Variants in MACROH2A2 observed in about 807,000 individuals in gnomAD.
The protein encoded by MACROH2A2 is core histone macro-H2A.2.
In MACROH2A2, 6 loss-of-function variants were observed where a neutral mutation model predicts 37.6. That is an observed-to-expected ratio of 0.16 (90% confidence interval 0.09 to 0.32). MACROH2A2 has a LOEUF of 0.32. MACROH2A2 is among the 10% of genes least tolerant of loss of function. MACROH2A2 has a pLI of 1.00. For synonymous variants in MACROH2A2, 192 were observed against 202.7 expected (o/e 0.95, Z 0.45); for missense variants, 290 against 485.9 (o/e 0.60, Z 3.79).
chr10:70,104,909 A>C (rs2072327551), intron 7 of MACROH2A2, among the ~76,000 whole-genome samples: 1 of 152,210 alleles, frequency 6.6e-6, no homozygotes. Context: ...ATTTAAACAA[A>C]AAAAAAGTGC....
rs2136644088 is a variant in MACROH2A2, at chr10:70,107,235, G to T, written c.779-1798G>T. On this transcript the variant is annotated intron_variant, in intron 7 of 8. Coordinates refer to ENST00000373255, the MANE Select transcript of MACROH2A2 (RefSeq NM_018649.3). The surrounding 1 kb of genome is among the most constrained non-coding windows in gnomAD (Gnocchi z 4.4). The stretch of plus-strand genomic sequence containing the variant: ...ACAGCCTCCCCTGATGGACGAAGGG[G>T]TCCCTTGGATTTGGCTTCTACCCAT... Among the ~76,000 whole-genome samples the T allele has an allele frequency of 6.6e-6, 1 of 152,268 alleles. No individual in the cohort carries two copies. Among genetic ancestry groups the T allele is most frequent in the Non-Finnish European group, 1.5e-5 (1 of 68,026 alleles).
rs2071988889 is a variant in MACROH2A2 at position 70,053,475 on chromosome 10, C to G, written c.-60+475C>G. Reference sequence around the variant, plus strand: ...GAGCCCGGGGAGGGCCGCTCGGGGGCCTCTGAAGGTGCCCGGGCAGGGCGC... The same window carrying G: ...GAGCCCGGGGAGGGCCGCTCGGGGGGCTCTGAAGGTGCCCGGGCAGGGCGC... On this transcript the variant is annotated intron_variant, in intron 1 of 8. Transcript: ENST00000373255. This position sits in a 1 kb window ranked among gnomAD's most constrained non-coding sequence, Gnocchi z 4.8. Among the ~76,000 whole-genome samples, 1 of 151,690 alleles carries G rather than the reference C, an allele frequency of 6.6e-6. No homozygotes were observed. The highest frequency in any genetic ancestry group is 1.5e-5 in the Non-Finnish European group (1 of 67,874).
At chr10:70,059,634 G>T (rs529543009) in intron 1 of MACROH2A2, among the ~76,000 whole-genome samples, 1 of 152,228 alleles carries the variant, frequency 6.6e-6, no homozygotes, top group South Asian at 2.1e-4. Context: ...GCCTCCCAAA[G>T]TGTTGGGATT....
Position 70,091,923 on chromosome 10 carries a change from C to G in MACROH2A2, c.446C>G (p.Ser149Cys). Residue 149 changes from serine (S) to cysteine (C), a missense_variant, in exon 4 of 9, where the codon TCC becomes TGC. Coordinates refer to ENST00000373255, the MANE Select transcript of MACROH2A2 (RefSeq NM_018649.3). The stretch of plus-strand genomic sequence containing the variant: ...TCAGGCAAGAAGGGGGGGAAGAAAT[C>G]CAAGGCTGCCAAACCACGGACGTCC... ...ATSGKKGGKK[S>C]KAAKPRTSKK... 1.9e-6 allele frequency: 3 copies of G among 1,613,802 alleles called. No individual in the cohort carries two copies. Among genetic ancestry groups the G allele is most frequent in the Non-Finnish European group, 2.5e-6 (3 of 1,180,006 alleles).
At chr10:70,095,854 G>A in intron 6 of MACROH2A2, 101 bp downstream of exon 6, 1 of 656,642 alleles carries the variant, frequency 1.5e-6, no homozygotes, top group Non-Finnish European at 2.8e-6. Context: ...CCTCCGCTGG[G>A]GTCCCATGTC....
intron 4 of MACROH2A2, among the ~76,000 whole-genome samples, chr10:70,093,063 G>C (rs2072255895): frequency 6.6e-6 from 1 of 151,702 alleles, no homozygotes; most frequent in Admixed American, 6.6e-5. Context: ...GTACAGTAAT[G>C]CAGTGGCGAG....
rs370229033 is a variant in MACROH2A2 at position 70,062,820 on chromosome 10, G to T, written c.-60+9820G>T. Reference sequence around the variant, plus strand: ...TGTATGTTCTCACCCATAAGTGGAAGCTAAACTGTAAGGGTACAAAGGCAT... The same window carrying T: ...TGTATGTTCTCACCCATAAGTGGAATCTAAACTGTAAGGGTACAAAGGCAT... On this transcript the variant is annotated intron_variant, in intron 1 of 8. Coordinates refer to ENST00000373255, the MANE Select transcript of MACROH2A2 (RefSeq NM_018649.3). 3.6e-4 allele frequency among the ~76,000 whole-genome samples: 55 copies of T among 152,286 alleles called. No individual in the cohort carries two copies. In the Middle Eastern group the frequency reaches 0.02, roughly 57 times the overall value.
chr10:70,055,888 C>T (rs1029538967), intron 1 of MACROH2A2, among the ~76,000 whole-genome samples: 6 of 152,110 alleles, frequency 3.9e-5, no homozygotes, highest in African/African-American at 1.4e-4. Context: ...CAGCCATCAA[C>T]AGGGAATGGC....
chr10:70,061,072 C>G (rs2072047778), intron 1 of MACROH2A2, among the ~76,000 whole-genome samples: 1 of 151,982 alleles, frequency 6.6e-6, no homozygotes, highest in Non-Finnish European at 1.5e-5. Context: ...AAAGTTTATC[C>G]TTTCTCCCCA....
At chr10:70,099,958 G>C (rs1316833278) in intron 6 of MACROH2A2, among the ~76,000 whole-genome samples, 1 of 152,208 alleles carries the variant, frequency 6.6e-6, no homozygotes, top group African/African-American at 2.4e-5. Context: ...CTCAAGCCAT[G>C]AGACCGCTTT....
chr10:70,090,539 A>G (rs952017519), intron 3 of MACROH2A2, among the ~76,000 whole-genome samples: 1 of 152,228 alleles, frequency 6.6e-6, no homozygotes, highest in African/African-American at 2.4e-5. Context: ...CTGACTGTTT[A>G]TATTCTGAAA....
chr10:70,090,964 T>G (rs548732885), intron 3 of MACROH2A2, among the ~76,000 whole-genome samples: 1 of 152,210 alleles, frequency 6.6e-6, no homozygotes, highest in South Asian at 2.1e-4. Flanking sequence ...ATTAGTGGAG[T>G]AGTACGTGTC....
At chr10:70,072,252 C>A (rs1171106220) in intron 1 of MACROH2A2, among the ~76,000 whole-genome samples, 2 of 151,438 alleles carry the variant, frequency 1.3e-5, no homozygotes, top group Non-Finnish European at 2.9e-5. Context: ...AAGCATTTTT[C>A]TATTAAAATT....
chr10:70,071,138 C>T (rs1296833251), intron 1 of MACROH2A2, among the ~76,000 whole-genome samples: 3 of 152,034 alleles, frequency 2.0e-5, no homozygotes, highest in African/African-American at 7.2e-5. Context: ...GGTGTTTGTA[C>T]TTCATGCAGC....
chr10:70,103,989 T>C (rs1436794578), intron 7 of MACROH2A2, among the ~76,000 whole-genome samples: 1 of 151,956 alleles, frequency 6.6e-6, no homozygotes, highest in Non-Finnish European at 1.5e-5. Context: ...ACCAAGGAAA[T>C]AGACATGAAC....
rs749611082 is a variant in MACROH2A2 at position 70,109,014 on chromosome 10, T to C, written c.779-19T>C. The stretch of plus-strand genomic sequence containing the variant: ...AACCTTAGGAAATAACCCGCGGCAT[T>C]TTCTCTCCTATGTCCCAGCCGCCGT... On this transcript the variant is annotated intron_variant, in intron 7 of 8. Coordinates refer to ENST00000373255, the MANE Select transcript of MACROH2A2 (RefSeq NM_018649.3). The C allele has an allele frequency of 2.5e-6, 4 of 1,611,036 alleles. No homozygotes were observed. The highest frequency in any genetic ancestry group is 3.4e-6 in the Non-Finnish European group (4 of 1,177,360).
chr10:70,066,305 G>A (rs2072079115), intron 1 of MACROH2A2, among the ~76,000 whole-genome samples: 2 of 152,160 alleles, frequency 1.3e-5, no homozygotes, highest in South Asian at 2.1e-4. Flanking sequence ...TCCAGCCTGG[G>A]TGACAGAGCA....
chr10:70,060,737 AT>A (rs2072045764), intron 1 of MACROH2A2, among the ~76,000 whole-genome samples: 3 of 152,238 alleles, frequency 2.0e-5, no homozygotes, highest in Admixed American at 2.0e-4. Flanking sequence ...AATAAACTGC[AT>A]TACTAATTTG....
At chr10:70,102,270 C>G (rs61856699) in intron 7 of MACROH2A2, among the ~76,000 whole-genome samples, 1 of 152,138 alleles carries the variant, frequency 6.6e-6, no homozygotes, top group Admixed American at 6.5e-5. Flanking sequence ...CTTGCATGAG[C>G]AGGGAGTCTT....
Sources: allele counts gnomAD v4.1 joint callset (sites outside exome capture counted in the v4.1 genomes callset), GRCh38; gene constraint gnomAD v4.1.1; non-coding constraint Gnocchi (gnomAD v3.1); transcripts MANE v1.5; gene names NCBI Gene and HGNC (gene_info 2026-07-23, HGNC 2026-07-21).